The following WWOX variants were observed in gnomAD, a reference collection of about 807,000 sequenced individuals.
The protein encoded by WWOX is WW domain-containing oxidoreductase.
Under a neutral mutation model 46.2 loss-of-function variants are expected in WWOX, and 69 were observed. That is an observed-to-expected ratio of 1.49 (90% CI 1.23 to 1.82). The LOEUF (loss-of-function observed/expected upper bound fraction) is 1.82, where lower values mean the gene tolerates loss of function less well. Among genes scored for constraint, WWOX ranks in the 40% most tolerant of loss-of-function variants. The pLI, the probability that WWOX is intolerant of heterozygous loss-of-function variation, is 0.00. For missense variants in WWOX, 919 were observed against 542.6 expected, an observed-to-expected ratio of 1.69 and a Z score of -6.89; for synonymous variants, 359 against 202.6, an observed-to-expected ratio of 1.77 and a Z score of -6.56.
chr16:79,094,320 C>A (rs886921488), intron 8 of WWOX, among the ~76,000 whole-genome samples: 1 of 150,162 alleles, frequency 6.7e-6, no homozygotes, highest in Non-Finnish European at 1.5e-5. Flanking sequence ...ATGGCACGAT[C>A]TCGGCTCGCT....
At chr16:79,120,651 C>T (rs1772702562) in intron 8 of WWOX, among the ~76,000 whole-genome samples, 1 of 152,210 alleles carries the variant, frequency 6.6e-6, no homozygotes, top group South Asian at 2.1e-4. Context: ...CTTCGCCCTT[C>T]CCGGCTTCAG....
chr16:78,766,950 G>C (rs1422090735), intron 8 of WWOX, among the ~76,000 whole-genome samples: 1 of 152,044 alleles, frequency 6.6e-6, no homozygotes. Context: ...ACTTCCCCAA[G>C]CTTGTGGTCT....
At chr16:78,417,130 TG>T (rs35050448) in intron 6 of WWOX, among the ~76,000 whole-genome samples, 1 of 151,994 alleles carries the variant, frequency 6.6e-6, no homozygotes, top group East Asian at 1.9e-4. Context: ...TGGAGATCAG[TG>T]GGGTGATTAC....
intron 8 of WWOX, among the ~76,000 whole-genome samples, chr16:79,076,023 C>T (rs1384930377): frequency 6.6e-6 from 1 of 152,122 alleles, no homozygotes; most frequent in Non-Finnish European, 1.5e-5. Flanking sequence ...TTTCTTCTTA[C>T]AGTATATGTA....
chr16:78,453,987 T>G (rs1390372801), intron 8 of WWOX, among the ~76,000 whole-genome samples: 2 of 152,182 alleles, frequency 1.3e-5, no homozygotes, highest in African/African-American at 4.8e-5. Flanking sequence ...ACACCTGGTT[T>G]TTGTTGTCAT....
intron 8 of WWOX, among the ~76,000 whole-genome samples, chr16:79,072,537 C>T (rs1167132859): frequency 6.6e-6 from 1 of 152,190 alleles, no homozygotes; most frequent in African/African-American, 2.4e-5. Context: ...TCTCATTAAT[C>T]TGTATTCATT....
chr16:78,850,889 A>G (rs1022356817), intron 8 of WWOX, among the ~76,000 whole-genome samples: 2 of 152,154 alleles, frequency 1.3e-5, no homozygotes, highest in Non-Finnish European at 2.9e-5. Flanking sequence ...AACATGGAAG[A>G]TTTCTGTGAT....
At chr16:78,557,157 T>C (rs980589677) in intron 8 of WWOX, among the ~76,000 whole-genome samples, 1 of 152,222 alleles carries the variant, frequency 6.6e-6, no homozygotes, top group Non-Finnish European at 1.5e-5. Flanking sequence ...TGTAGTGGGC[T>C]ATTAGATTTT....
chr16:78,785,284 T>C (rs1208479426), intron 8 of WWOX, among the ~76,000 whole-genome samples: 1 of 152,212 alleles, frequency 6.6e-6, no homozygotes, highest in Non-Finnish European at 1.5e-5. Flanking sequence ...AACCTTTGGC[T>C]GCAGAAATTC....
chr16:78,594,175 C>A (rs942241268), intron 8 of WWOX, among the ~76,000 whole-genome samples: 1 of 148,294 alleles, frequency 6.7e-6, no homozygotes, highest in Admixed American at 6.6e-5. Flanking sequence ...TGCTTTATCT[C>A]TTGGAATCCT....
intron 8 of WWOX, among the ~76,000 whole-genome samples, chr16:79,131,448 A>T (rs1249551910): frequency 6.6e-6 from 1 of 152,090 alleles, no homozygotes. Context: ...TGGAAATTAG[A>T]TCTATCACAT....
At chr16:78,884,377 C>A (rs1292888646) in intron 8 of WWOX, among the ~76,000 whole-genome samples, 3 of 151,492 alleles carry the variant, frequency 2.0e-5, no homozygotes, top group Non-Finnish European at 2.9e-5. Flanking sequence ...TGTTTAGCAG[C>A]ATTATTCATT....
At chr16:79,144,348 A>C (rs1302541792) in intron 8 of WWOX, among the ~76,000 whole-genome samples, 2 of 152,216 alleles carry the variant, frequency 1.3e-5, no homozygotes, top group Non-Finnish European at 2.9e-5. Context: ...CCTGCCTGAG[A>C]AGGCCAGCTT....
chr16:78,496,484 T>G (rs2084922164), intron 8 of WWOX: 1 of 152,242 alleles, frequency 6.6e-6, no homozygotes, highest in African/African-American at 2.4e-5. Context: ...GGGTTGGCAT[T>G]GCGTGGCTGT....
chr16:79,086,144 T>A (rs866083014), intron 8 of WWOX, among the ~76,000 whole-genome samples: 1 of 152,174 alleles, frequency 6.6e-6, no homozygotes, highest in African/African-American at 2.4e-5. Flanking sequence ...CTCTCAATGT[T>A]CTTTAAACGG....
intron 8 of WWOX, among the ~76,000 whole-genome samples, chr16:79,168,050 G>A (rs551353904): frequency 6.6e-6 from 1 of 152,274 alleles, no homozygotes; most frequent in Non-Finnish European, 1.5e-5. Flanking sequence ...GTTGTGGCAT[G>A]TGTCAGTACT....
chr16:78,602,805 G>A (rs1463763038), intron 8 of WWOX, among the ~76,000 whole-genome samples: 7 of 152,212 alleles, frequency 4.6e-5, no homozygotes. Flanking sequence ...TCTGCTAAGA[G>A]TAGATGCTAT....
chr16:78,835,854 T>G (rs891659608), intron 8 of WWOX, among the ~76,000 whole-genome samples: 9 of 152,222 alleles, frequency 5.9e-5, no homozygotes, highest in African/African-American at 2.2e-4. Context: ...CAAATCTGAA[T>G]TCAACATATT....
At chr16:78,813,569 A>G (rs2051253248) in intron 8 of WWOX, among the ~76,000 whole-genome samples, 1 of 152,082 alleles carries the variant, frequency 6.6e-6, no homozygotes, top group Non-Finnish European at 1.5e-5. Context: ...GTGGGCAGGA[A>G]TGTGTGTGCG....
Sources: allele counts gnomAD v4.1 joint callset (sites outside exome capture counted in the v4.1 genomes callset), GRCh38; gene constraint gnomAD v4.1.1; transcripts MANE v1.5; gene names NCBI Gene and HGNC (gene_info 2026-07-23, HGNC 2026-07-21).